The following PLSCR2 variants were observed in gnomAD, a reference collection of about 807,000 sequenced individuals.
PLSCR2 encodes phospholipid scramblase 2.
A neutral mutation model predicts 25.3 loss-of-function variants in PLSCR2; 18 were observed. That is an observed-to-expected ratio of 0.71 (90% CI 0.49 to 1.06). The LOEUF (loss-of-function observed/expected upper bound fraction) is 1.06. PLSCR2 is among the 50% of genes least tolerant of loss of function. The pLI is 0.00. For missense variants in PLSCR2, 243 were observed against 269.5 expected, an observed-to-expected ratio of 0.90 and a Z score of 0.69; for synonymous variants, 88 against 87.3, an observed-to-expected ratio of 1.01 and a Z score of -0.04.
chr3:146,421,060 G>T (rs2039132477), intron 2 of PLSCR2, among the ~76,000 whole-genome samples: 1 of 151,990 alleles, frequency 6.6e-6, no homozygotes, highest in Admixed American at 6.6e-5. Context: ...AGCTGTGATG[G>T]GCCATGGAAG....
intron 1 of PLSCR2, among the ~76,000 whole-genome samples, chr3:146,485,122 A>G (rs1479217887): frequency 1.3e-5 from 2 of 151,950 alleles, no homozygotes; most frequent in African/African-American, 4.8e-5. Flanking sequence ...AGAAAAAAAA[A>G]AAAAGCAGGG....
rs116750827 is a variant in PLSCR2, at chr3:146,489,711, T to A, written c.-293+6184A>T. On this transcript the variant is annotated intron_variant, in intron 1 of 8. Transcript: ENST00000336685. ...AAAGAATACTTGTTTGCCTTTTCGA[T>A]CTTCTAATCTTCTGACCTTGTGATC... Among the ~76,000 whole-genome samples, 633 of 152,258 alleles carry A rather than the reference T, an allele frequency of 4.2e-3. 6 individuals are homozygous for A. The highest frequency in any genetic ancestry group is 0.015 in the African/African-American group (610 of 41,564).
At chr3:146,482,376 C>T (rs1476299517) in intron 1 of PLSCR2, among the ~76,000 whole-genome samples, 3 of 152,000 alleles carry the variant, frequency 2.0e-5, no homozygotes, top group African/African-American at 7.3e-5. Context: ...AACAAATTTA[C>T]AAGAAAAAAA....
At chr3:146,458,345 G>T in intron 3 of PLSCR2, 66 bp downstream of exon 3, 3 of 1,318,378 alleles carry the variant, frequency 2.3e-6, no homozygotes, top group Non-Finnish European at 3.1e-6. Context: ...TATAGTTTTT[G>T]ATGTATCTTT....
At chr3:146,400,210 A>T (rs1191824912) in intron 2 of PLSCR2, among the ~76,000 whole-genome samples, 1 of 151,782 alleles carries the variant, frequency 6.6e-6, no homozygotes, top group Non-Finnish European at 1.5e-5. Context: ...CTGTATTTTC[A>T]TATCTATAAT....
At chr3:146,495,424 T>A (rs2043711250) in intron 1 of PLSCR2, among the ~76,000 whole-genome samples, 1 of 152,208 alleles carries the variant, frequency 6.6e-6, no homozygotes, top group African/African-American at 2.4e-5. Flanking sequence ...TCCAATGGAC[T>A]GAATATATCT....
intron 3 of PLSCR2, among the ~76,000 whole-genome samples, chr3:146,392,557 T>G (rs1021055239): frequency 6.6e-6 from 1 of 152,046 alleles, no homozygotes; most frequent in East Asian, 1.9e-4. Context: ...ATATCATTTT[T>G]ATTAACATAA....
intron 2 of PLSCR2, among the ~76,000 whole-genome samples, chr3:146,422,715 C>A (rs192841762): frequency 1.3e-5 from 2 of 152,184 alleles, no homozygotes; most frequent in Non-Finnish European, 2.9e-5. Context: ...TGACATGTTT[C>A]AAATTATTTA....
intron 1 of PLSCR2, among the ~76,000 whole-genome samples, chr3:146,468,344 C>T (rs1341718321): frequency 6.6e-6 from 1 of 152,216 alleles, no homozygotes; most frequent in Non-Finnish European, 1.5e-5. Context: ...AGCCCCCAAA[C>T]CGCCTGACAC....
chr3:146,454,188 C>G, intron 4 of PLSCR2, 25 bp from the exon 5 acceptor site: 12 of 1,469,722 alleles, frequency 8.2e-6, no homozygotes, highest in South Asian at 1.3e-5. Flanking sequence ...TATGTGTGAA[C>G]GTAATAAATC....
intron 1 of PLSCR2, among the ~76,000 whole-genome samples, chr3:146,468,897 A>G (rs532365564): frequency 1.2e-4 from 19 of 152,344 alleles, no homozygotes; most frequent in Non-Finnish European, 2.2e-4. Context: ...CAATTTCAGA[A>G]ATGAGGCAAT....
rs542626496 is a variant in PLSCR2, at chr3:146,477,482, C to T, written c.-292-17198G>A. Reference sequence around the variant, plus strand: ...CACACCCATGGAGCCTTGCTCACTGCTAGTGCAGCAGTCTGAGATTGACCT... The same window carrying T: ...CACACCCATGGAGCCTTGCTCACTGTTAGTGCAGCAGTCTGAGATTGACCT... On this transcript the variant is annotated intron_variant, in intron 1 of 8. Coordinates refer to the PLSCR2 transcript ENST00000336685. 3.0e-3 allele frequency among the ~76,000 whole-genome samples: 462 copies of T among 152,356 alleles called. 2 individuals carry two copies. The highest frequency in any genetic ancestry group is 0.011 in the African/African-American group (446 of 41,594).
downstream of PLSCR2, among the ~76,000 whole-genome samples, chr3:146,431,708 A>C (rs915947190): frequency 9.2e-5 from 14 of 152,190 alleles, no homozygotes; most frequent in African/African-American, 2.9e-4. Flanking sequence ...AGTAGCCTAC[A>C]TCTTGAACAA....
intron 6 of PLSCR2, among the ~76,000 whole-genome samples, chr3:146,443,946 T>C (rs1259761722): frequency 6.6e-6 from 1 of 152,020 alleles, no homozygotes; most frequent in Non-Finnish European, 1.5e-5. Flanking sequence ...CCATGGCTTT[T>C]GGTATGTTCT....
chr3:146,423,700 C>A (rs572197219), intron 2 of PLSCR2, among the ~76,000 whole-genome samples: 1 of 151,948 alleles, frequency 6.6e-6, no homozygotes, highest in Non-Finnish European at 1.5e-5. Flanking sequence ...AACGTAATTC[C>A]AAGCTTCCTT....
chr3:146,444,556 A>G (rs1430796532), intron 6 of PLSCR2, among the ~76,000 whole-genome samples: 1 of 151,482 alleles, frequency 6.6e-6, no homozygotes, highest in Non-Finnish European at 1.5e-5. Context: ...CTTGAAATAT[A>G]TATTGTCTAG....
At chr3:146,422,547 G>C (rs1009497053) in intron 2 of PLSCR2, among the ~76,000 whole-genome samples, 1 of 151,894 alleles carries the variant, frequency 6.6e-6, no homozygotes, top group Non-Finnish European at 1.5e-5. Context: ...CCAGTTTCCG[G>C]GTTTCCCATT....
intron 2 of PLSCR2, among the ~76,000 whole-genome samples, chr3:146,419,131 C>T (rs539673243): frequency 6.9e-4 from 105 of 151,958 alleles, no homozygotes; most frequent in Non-Finnish European, 1.2e-3. Flanking sequence ...TCTTTTTTAT[C>T]TCCCACATTG....
chr3:146,464,040 C>T (rs1455325031), upstream of PLSCR2: 2 of 898,280 alleles, frequency 2.2e-6, no homozygotes, highest in African/African-American at 1.8e-5. Context: ...TTTAACTTCC[C>T]GGATTTTCTT....
Sources: gnomAD v4.1 joint callset for allele counts (sites outside exome capture counted in the v4.1 genomes callset) on GRCh38, gnomAD v4.1.1 for gene constraint, MANE v1.5 for transcripts, NCBI Gene and HGNC (gene_info 2026-07-23, HGNC 2026-07-21) for gene names.